The following SLC71A1 variants were observed in gnomAD, a reference collection of about 807,000 sequenced individuals.
SLC71A1 encodes solute carrier family 71 member 1.
the SLC71A1 span, chr1:100,078,568 C>T: frequency 3.0e-5 from 45 of 1,510,858 alleles, no homozygotes; most frequent in South Asian, 5.6e-5. Flanking sequence ...TAGGAACTAG[C>T]GATAATTATT....
the SLC71A1 span, among the ~76,000 whole-genome samples, chr1:100,061,298 A>G: frequency 6.6e-6 from 1 of 152,204 alleles, no homozygotes; most frequent in Non-Finnish European, 1.5e-5. Context: ...TCTCAGTTTT[A>G]TGAACACTGA....
chr1:100,062,672 G>A, the SLC71A1 span, among the ~76,000 whole-genome samples: 1 of 152,070 alleles, frequency 6.6e-6, no homozygotes, highest in Non-Finnish European at 1.5e-5. Flanking sequence ...ATATTGTGTT[G>A]GGCTGAATTA....
At chr1:100,039,330 A>G in the SLC71A1 span, among the ~76,000 whole-genome samples, 5 of 152,240 alleles carry the variant, frequency 3.3e-5, no homozygotes, top group Admixed American at 2.0e-4. Context: ...GCCGCGATCA[A>G]CTGCTAGCAC....
At chr1:100,049,339 G>GTT in the SLC71A1 span, among the ~76,000 whole-genome samples, 337 of 60,732 alleles carry the variant, frequency 5.5e-3, 5 homozygotes, top group African/African-American at 0.021. Flanking sequence ...TTTTTTTTTT[G>GTT]GTTACATCTT....
the SLC71A1 span, among the ~76,000 whole-genome samples, chr1:100,044,928 G>A: frequency 6.6e-6 from 1 of 152,092 alleles, no homozygotes; most frequent in African/African-American, 2.4e-5. Context: ...ATTTAAAGTC[G>A]GGTAATGTGA....
chr1:100,071,020 T>A, the SLC71A1 span, among the ~76,000 whole-genome samples: 1 of 152,250 alleles, frequency 6.6e-6, no homozygotes, highest in South Asian at 2.1e-4. Flanking sequence ...ATTAGTACTA[T>A]TTCTAGCTTC....
chr1:100,080,947 A>G, the SLC71A1 span, among the ~76,000 whole-genome samples: 2 of 152,248 alleles, frequency 1.3e-5, no homozygotes, highest in African/African-American at 4.8e-5. Flanking sequence ...CTTTTCTAAT[A>G]TCACAGTTGT....
the SLC71A1 span, among the ~76,000 whole-genome samples, chr1:100,058,320 CAT>C: frequency 6.6e-6 from 1 of 152,174 alleles, no homozygotes; most frequent in South Asian, 2.1e-4. Flanking sequence ...TGAGTAAAAA[CAT>C]AGGCTTTCAA....
the SLC71A1 span, among the ~76,000 whole-genome samples, chr1:100,063,172 G>GT: frequency 6.6e-6 from 1 of 151,864 alleles, no homozygotes; most frequent in Non-Finnish European, 1.5e-5. Context: ...CGTTGGTTTG[G>GT]TTTTTTTGAC....
chr1:100,049,528 G>C, the SLC71A1 span, among the ~76,000 whole-genome samples: 2 of 152,022 alleles, frequency 1.3e-5, no homozygotes, highest in Non-Finnish European at 2.9e-5. Flanking sequence ...TACTGAACTC[G>C]ATATATGAGA....
At chr1:100,065,060 G>A in the SLC71A1 span, among the ~76,000 whole-genome samples, 1 of 151,954 alleles carries the variant, frequency 6.6e-6, no homozygotes, top group Non-Finnish European at 1.5e-5. Flanking sequence ...GTTTTGTAGT[G>A]ATGGAGTTTC....
chr1:100,045,804 C>G, the SLC71A1 span, among the ~76,000 whole-genome samples: 1 of 144,968 alleles, frequency 6.9e-6, no homozygotes, highest in African/African-American at 2.5e-5. Context: ...GACGGGGAGA[C>G]TCTGTCTCAA....
At chr1:100,052,327 A>G in the SLC71A1 span, among the ~76,000 whole-genome samples, 1 of 152,280 alleles carries the variant, frequency 6.6e-6, no homozygotes, top group Admixed American at 6.5e-5. Context: ...CTAGTTGGAC[A>G]AAGGGAGGCT....
the SLC71A1 span, among the ~76,000 whole-genome samples, chr1:100,063,390 C>A: frequency 6.6e-6 from 1 of 152,006 alleles, no homozygotes; most frequent in Non-Finnish European, 1.5e-5. Flanking sequence ...TGTAATACCA[C>A]CAGTTTGGGA....
the SLC71A1 span, among the ~76,000 whole-genome samples, chr1:100,046,635 G>A: frequency 6.6e-6 from 1 of 152,156 alleles, no homozygotes; most frequent in African/African-American, 2.4e-5. Flanking sequence ...GTCATTTGTA[G>A]TTTGATAGTA....
the SLC71A1 span, among the ~76,000 whole-genome samples, chr1:100,060,781 A>T: frequency 6.6e-6 from 1 of 151,854 alleles, no homozygotes; most frequent in Non-Finnish European, 1.5e-5. Flanking sequence ...GAGGCAAGGG[A>T]AGGAAAGCTA....
chr1:100,043,232 A>G, the SLC71A1 span: 3 of 954,286 alleles, frequency 3.1e-6, no homozygotes, highest in Non-Finnish European at 3.7e-6. Flanking sequence ...TTCTTCAGGT[A>G]ACATTCTGAC....
chr1:100,072,579 T>C, the SLC71A1 span, among the ~76,000 whole-genome samples: 1 of 145,034 alleles, frequency 6.9e-6, no homozygotes, highest in South Asian at 2.1e-4. Context: ...TTCCATAATG[T>C]TAAAAAAAAA....
the SLC71A1 span, chr1:100,080,736 GC>G: frequency 1.6e-6 from 2 of 1,250,638 alleles, no homozygotes; most frequent in African/African-American, 1.5e-5. Flanking sequence ...GGTCATGAAA[GC>G]TTTTATGTGA....
Sources: gnomAD v4.1 joint callset for allele counts (sites outside exome capture counted in the v4.1 genomes callset) on GRCh38, gnomAD v4.1.1 for gene constraint, MANE v1.5 for transcripts, NCBI Gene and HGNC (gene_info 2026-07-23, HGNC 2026-07-21) for gene names.